Variants in LRRC7 observed in about 807,000 individuals in gnomAD.
LRRC7 encodes the protein leucine rich repeat containing 7, also known as leucine-rich repeat-containing protein 7.
In LRRC7, 23 loss-of-function variants were observed where a neutral mutation model predicts 175.7. That is an observed-to-expected ratio of 0.13 (90% confidence interval 0.09 to 0.19). The LOEUF is 0.19. Among genes scored for constraint, LRRC7 ranks in the 10% least tolerant of loss-of-function variants. The pLI is 1.00. For missense variants in LRRC7, 1,354 were observed against 1,904.7 expected (o/e 0.71, Z 5.38); for synonymous variants, 685 against 680.9 (o/e 1.01, Z -0.09).
chr1:70,102,132 G>C (rs2102200190), intron 25 of LRRC7, among the ~76,000 whole-genome samples: 1 of 152,326 alleles, frequency 6.6e-6, no homozygotes, highest in South Asian at 2.1e-4. Flanking sequence ...ACTATAAAGG[G>C]TTGATACTCC....
At chr1:69,603,292 A>G (rs1228999677) in intron 1 of LRRC7, among the ~76,000 whole-genome samples, 1 of 152,216 alleles carries the variant, frequency 6.6e-6, no homozygotes, top group Non-Finnish European at 1.5e-5. Context: ...GCAATTATTC[A>G]ATCCACTACA....
chr1:70,075,344 G>A (rs761150111), intron 23 of LRRC7, among the ~76,000 whole-genome samples: 4 of 152,100 alleles, frequency 2.6e-5, no homozygotes, highest in Non-Finnish European at 5.9e-5. Flanking sequence ...AGAAGTACGG[G>A]TATGATCGTA....
At chr1:69,587,551 T>C (rs1011689089) in intron 1 of LRRC7, among the ~76,000 whole-genome samples, 4 of 152,200 alleles carry the variant, frequency 2.6e-5, no homozygotes, top group African/African-American at 9.6e-5. Context: ...ACAGTTGTTC[T>C]GCTCTCACCC....
intron 7 of LRRC7, among the ~76,000 whole-genome samples, chr1:69,859,539 G>C (rs1249571046): frequency 6.6e-6 from 1 of 151,948 alleles, no homozygotes; most frequent in Non-Finnish European, 1.5e-5. Context: ...ATTATTAGTT[G>C]ATCCAAGAGA....
chr1:69,971,627 C>A (rs538527025), intron 8 of LRRC7, among the ~76,000 whole-genome samples: 1 of 152,182 alleles, frequency 6.6e-6, no homozygotes, highest in African/African-American at 2.4e-5. Context: ...ATAGATGACA[C>A]AAACTAGTGG....
intron 9 of LRRC7, among the ~76,000 whole-genome samples, chr1:69,981,899 C>T (rs183946671): frequency 6.6e-6 from 1 of 152,302 alleles, no homozygotes; most frequent in East Asian, 1.9e-4. Context: ...GTAAGTTCTA[C>T]TACCATCCCC....
intron 1 of LRRC7, among the ~76,000 whole-genome samples, chr1:69,601,994 C>G (rs142285536): frequency 6.6e-6 from 1 of 152,222 alleles, no homozygotes; most frequent in Non-Finnish European, 1.5e-5. Context: ...AAGTATGTAA[C>G]TCCAACAATG....
chr1:70,030,448 A>G (rs1477494535), intron 18 of LRRC7, among the ~76,000 whole-genome samples: 1 of 152,160 alleles, frequency 6.6e-6, no homozygotes, highest in African/African-American at 2.4e-5. Context: ...AGCAAAGAGG[A>G]ACTGTTGCTT....
At chr1:69,962,965 A>G (rs1451348354) in intron 8 of LRRC7, among the ~76,000 whole-genome samples, 1 of 152,060 alleles carries the variant, frequency 6.6e-6, no homozygotes, top group African/African-American at 2.4e-5. Flanking sequence ...CATCCTGCAC[A>G]TGTACCCCGA....
chr1:69,959,202 G>A (rs1052284557), intron 8 of LRRC7, among the ~76,000 whole-genome samples: 1 of 152,092 alleles, frequency 6.6e-6, no homozygotes, highest in Non-Finnish European at 1.5e-5. Flanking sequence ...GGCATTTGCA[G>A]AAAAGGCAGA....
intron 11 of LRRC7, among the ~76,000 whole-genome samples, chr1:69,995,605 C>T (rs890880442): frequency 6.6e-6 from 1 of 150,504 alleles, no homozygotes; most frequent in African/African-American, 2.4e-5. Flanking sequence ...TTCCCGTGTC[C>T]ATGTGTTCTC....
intron 7 of LRRC7, among the ~76,000 whole-genome samples, chr1:69,877,763 A>G (rs1331151835): frequency 6.6e-6 from 1 of 152,196 alleles, no homozygotes; most frequent in Non-Finnish European, 1.5e-5. Flanking sequence ...AGAATTATTC[A>G]TGTAGACATC....
At chr1:69,726,817 T>TA (rs1297309190) in intron 2 of LRRC7, among the ~76,000 whole-genome samples, 3 of 151,734 alleles carry the variant, frequency 2.0e-5, no homozygotes, top group Non-Finnish European at 2.9e-5. Flanking sequence ...CAGAATTAAA[T>TA]AAAAAACTGC....
At chr1:70,046,298 G>A (rs1057442394) in intron 22 of LRRC7, among the ~76,000 whole-genome samples, 2 of 151,900 alleles carry the variant, frequency 1.3e-5, no homozygotes, top group Admixed American at 1.3e-4. Flanking sequence ...TGTCATTTGG[G>A]GTACCCTAGA....
At chr1:69,611,292 CT>C (rs1157490631) in intron 1 of LRRC7, among the ~76,000 whole-genome samples, 1 of 151,570 alleles carries the variant, frequency 6.6e-6, no homozygotes, top group African/African-American at 2.4e-5. Flanking sequence ...TGTCATTTGC[CT>C]TTTACCTTAT....
intron 23 of LRRC7, among the ~76,000 whole-genome samples, chr1:70,062,246 GAATA>G (rs1661635201): frequency 6.6e-6 from 1 of 152,024 alleles, no homozygotes; most frequent in South Asian, 2.1e-4. Context: ...CTCTGGAACA[GAATA>G]AAAATGCACT....
chr1:69,829,129 A>G (rs911043539), intron 5 of LRRC7, among the ~76,000 whole-genome samples: 1 of 151,964 alleles, frequency 6.6e-6, no homozygotes, highest in African/African-American at 2.4e-5. Context: ...TAGTCATTCA[A>G]TCATTAGAGC....
At chr1:69,587,584 T>A (rs1569726412) in intron 1 of LRRC7, among the ~76,000 whole-genome samples, 1 of 152,118 alleles carries the variant, frequency 6.6e-6, no homozygotes, top group African/African-American at 2.4e-5. Context: ...TGGCTCTGTG[T>A]CCCCGACCAC....
intron 4 of LRRC7, among the ~76,000 whole-genome samples, chr1:69,811,762 G>C (rs1570070848): frequency 6.6e-6 from 1 of 152,170 alleles, no homozygotes; most frequent in South Asian, 2.1e-4. Flanking sequence ...ACACACAGGG[G>C]CCTGTTGGGG....
Sources: allele counts gnomAD v4.1 joint callset (sites outside exome capture counted in the v4.1 genomes callset), GRCh38; gene constraint gnomAD v4.1.1; transcripts MANE v1.5; gene names NCBI Gene and HGNC (gene_info 2026-07-23, HGNC 2026-07-21).